RAD51B: variants seen among roughly 807,000 people sequenced by gnomAD.
The protein encoded by RAD51B is DNA repair protein RAD51 homolog 2.
RAD51B carries 38 observed loss-of-function variants against 42.2 expected under a neutral mutation model. That is an observed-to-expected ratio of 0.90 (90% confidence interval 0.70 to 1.18). The LOEUF is 1.18. Ranked by LOEUF, RAD51B falls within the 50% of genes most tolerant of loss-of-function variation. The probability of loss-of-function intolerance (pLI) is 0.00; values close to 1 mark genes in which losing one functional copy is unlikely to be tolerated. For synonymous variants in RAD51B, 154 were observed against 145.2 expected (o/e 1.06, Z -0.43); for missense variants, 373 against 400.7 (o/e 0.93, Z 0.59).
chr14:67,898,139 A>C (rs549368215), intron 7 of RAD51B, among the ~76,000 whole-genome samples: 46 of 152,374 alleles, frequency 3.0e-4, no homozygotes, highest in Admixed American at 2.7e-3. Flanking sequence ...TCATTGTAGG[A>C]TTATTCCCAA....
At chr14:68,560,782 G>T (rs115183561) in intron 10 of RAD51B, among the ~76,000 whole-genome samples, 8 of 150,082 alleles carry the variant, frequency 5.3e-5, no homozygotes, top group African/African-American at 1.7e-4. Flanking sequence ...GCCTCCCCCC[G>T]CCCCACACAC....
chr14:68,576,045 T>C (rs114301820), intron 10 of RAD51B, among the ~76,000 whole-genome samples: 1,707 of 152,182 alleles, frequency 0.011, 36 homozygotes, highest in African/African-American at 0.04. Context: ...ATAGTGTGAC[T>C]GGGGCCTGGT....
intron 7 of RAD51B, among the ~76,000 whole-genome samples, chr14:68,105,873 C>A (rs889175103): frequency 5.3e-5 from 8 of 151,880 alleles, no homozygotes; most frequent in Non-Finnish European, 8.8e-5. Context: ...TTTATTGGGT[C>A]CTCTAAAAGA....
intron 7 of RAD51B, among the ~76,000 whole-genome samples, chr14:68,243,186 A>G (rs2080428604): frequency 1.3e-5 from 2 of 152,222 alleles, no homozygotes; most frequent in African/African-American, 4.8e-5. Context: ...TTGCCTTCAG[A>G]TTGCTCATTG....
intron 7 of RAD51B, among the ~76,000 whole-genome samples, chr14:68,095,896 A>G (rs964426712): frequency 6.6e-6 from 1 of 150,978 alleles, no homozygotes; most frequent in Non-Finnish European, 1.5e-5. Context: ...GAATGGCGTG[A>G]ACCAGGGAGG....
At chr14:68,673,944 C>A (rs963891306) in intron 11 of RAD51B, among the ~76,000 whole-genome samples, 6 of 151,516 alleles carry the variant, frequency 4.0e-5, no homozygotes, top group Admixed American at 2.0e-4. Flanking sequence ...CACACACATA[C>A]TGTACACACA....
intron 10 of RAD51B, among the ~76,000 whole-genome samples, chr14:68,578,644 G>A (rs1420486608): frequency 1.3e-5 from 2 of 152,240 alleles, no homozygotes; most frequent in African/African-American, 2.4e-5. Context: ...ACAGGCAAAG[G>A]GCCCTTATAA....
intron 7 of RAD51B, among the ~76,000 whole-genome samples, chr14:68,144,138 C>T (rs1350635859): frequency 6.6e-6 from 1 of 152,182 alleles, no homozygotes; most frequent in Non-Finnish European, 1.5e-5. Flanking sequence ...AGAAATTTGA[C>T]ACTTTCTCAA....
At chr14:68,391,134 T>TTTTCTTTCTTTC (rs1388376049) in intron 8 of RAD51B, among the ~76,000 whole-genome samples, 1 of 109,080 alleles carries the variant, frequency 9.2e-6, no homozygotes, top group African/African-American at 3.9e-5. Context: ...TTTATGAGAC[T>TTTTCTTTCTTTC]TGTCTTTCTT....
chr14:68,444,480 G>A (rs1362414124), intron 9 of RAD51B, among the ~76,000 whole-genome samples: 1 of 151,870 alleles, frequency 6.6e-6, no homozygotes, highest in African/African-American at 2.4e-5. Context: ...GTTTTGAGGT[G>A]AAAGAGGTTT....
At chr14:67,948,428 C>G (rs1048777610) in intron 7 of RAD51B, among the ~76,000 whole-genome samples, 1 of 152,106 alleles carries the variant, frequency 6.6e-6, no homozygotes, top group Non-Finnish European at 1.5e-5. Context: ...CCCAGCAGCA[C>G]TGTTATAAAT....
chr14:67,866,422 T>A (rs1180773060), intron 5 of RAD51B, among the ~76,000 whole-genome samples: 2 of 152,208 alleles, frequency 1.3e-5, no homozygotes, highest in Admixed American at 1.3e-4. Context: ...CAAGTAGGTA[T>A]TAAATAGCCA....
chr14:68,102,020 C>T (rs912653733), intron 7 of RAD51B, among the ~76,000 whole-genome samples: 5 of 152,158 alleles, frequency 3.3e-5, no homozygotes, highest in African/African-American at 1.2e-4. Context: ...ATGGAAGCTG[C>T]CAAGGCTTGG....
intron 7 of RAD51B, among the ~76,000 whole-genome samples, chr14:68,266,537 T>C (rs555064078): frequency 1.2e-4 from 18 of 152,364 alleles, no homozygotes; most frequent in African/African-American, 4.1e-4. Context: ...GTGACCTTCC[T>C]GTTTCTGTGG....
chr14:68,323,299 G>C (rs1267765786), intron 8 of RAD51B, among the ~76,000 whole-genome samples: 1 of 152,174 alleles, frequency 6.6e-6, no homozygotes, highest in Non-Finnish European at 1.5e-5. Context: ...GTTTCTTAGA[G>C]ACCTGAAGAT....
chr14:68,246,967 T>C (rs7146865), intron 7 of RAD51B, among the ~76,000 whole-genome samples: 2,975 of 152,310 alleles, frequency 0.02, 104 homozygotes, highest in African/African-American at 0.068. Flanking sequence ...TCTCACTTAA[T>C]GCTGTCTTTT....
chr14:68,035,232 G>A (rs1023213390), intron 7 of RAD51B, among the ~76,000 whole-genome samples: 4 of 152,126 alleles, frequency 2.6e-5, no homozygotes, highest in African/African-American at 9.7e-5. Flanking sequence ...AACTTAAGAT[G>A]TTTGTTTGGA....
intron 7 of RAD51B, among the ~76,000 whole-genome samples, chr14:68,230,332 G>C (rs1002819407): frequency 2.8e-4 from 43 of 152,332 alleles, no homozygotes; most frequent in African/African-American, 1.0e-3. Flanking sequence ...ACATCTGTGG[G>C]AGTAGAGGAA....
chr14:67,884,480 C>T (rs1359570215), intron 5 of RAD51B, among the ~76,000 whole-genome samples: 1 of 152,138 alleles, frequency 6.6e-6, no homozygotes, highest in African/African-American at 2.4e-5. Flanking sequence ...GTTCTAAGTG[C>T]CAGAGATTTT....
Sources: gnomAD v4.1 joint callset for allele counts (sites outside exome capture counted in the v4.1 genomes callset) on GRCh38, gnomAD v4.1.1 for gene constraint, MANE v1.5 for transcripts, NCBI Gene and HGNC (gene_info 2026-07-23, HGNC 2026-07-21) for gene names.